Variants in FAM193A observed in about 807,000 individuals in gnomAD.
FAM193A encodes the protein family with sequence similarity 193 member A.
Under a neutral mutation model 126.5 loss-of-function variants are expected in FAM193A, and 22 were observed. The ratio of observed to expected loss-of-function variants is 0.17; its 90% CI spans 0.12 to 0.25. The LOEUF is 0.25. FAM193A is among the 10% of genes least tolerant of loss of function. FAM193A has a pLI of 1.00. For synonymous variants in FAM193A, 761 were observed against 646.8 expected, an observed-to-expected ratio of 1.18 and a Z score of -2.68; for missense variants, 1,675 against 1,672.8, an observed-to-expected ratio of 1.00 and a Z score of -0.02.
At chr4:2,648,810 C>T (rs1745386178) in intron 7 of FAM193A, among the ~76,000 whole-genome samples, 1 of 152,218 alleles carries the variant, frequency 6.6e-6, no homozygotes, top group African/African-American at 2.4e-5. Flanking sequence ...GGGCATTAAC[C>T]TTCTCCAGGA....
chr4:2,608,040 T>C (rs572135018), intron 2 of FAM193A: 19 of 1,607,296 alleles, frequency 1.2e-5, no homozygotes, highest in East Asian at 8.9e-5. Context: ...CACGTCCGGG[T>C]GTGCAGCATA....
At chr4:2,614,044 A>G (rs1040976607) in intron 2 of FAM193A, among the ~76,000 whole-genome samples, 3 of 152,208 alleles carry the variant, frequency 2.0e-5, no homozygotes, top group Non-Finnish European at 4.4e-5. Context: ...AAGTGCTGGG[A>G]TTACAGGCCT....
chr4:2,655,611 A>G (rs759399007), intron 7 of FAM193A, among the ~76,000 whole-genome samples: 18 of 152,054 alleles, frequency 1.2e-4, no homozygotes, highest in Non-Finnish European at 2.4e-4. Flanking sequence ...CTGAGTAGCT[A>G]GGACCATAGG....
intron 2 of FAM193A, among the ~76,000 whole-genome samples, chr4:2,617,165 C>T (rs1241265146): frequency 1.0e-5 from 1 of 97,818 alleles, no homozygotes. Flanking sequence ...GAGACTCCAT[C>T]TCCAAAAAAA....
chr4:2,598,663 C>A (rs983335050), intron 2 of FAM193A, among the ~76,000 whole-genome samples: 1 of 152,198 alleles, frequency 6.6e-6, no homozygotes, highest in African/African-American at 2.4e-5. Context: ...TTCTGTTTCT[C>A]TTGTTCTGTT....
At chr4:2,610,671 A>T (rs893948288) in intron 2 of FAM193A, among the ~76,000 whole-genome samples, 2 of 152,194 alleles carry the variant, frequency 1.3e-5, no homozygotes, top group African/African-American at 2.4e-5. Context: ...TCCATTCATC[A>T]ATAGAGAGAC....
At chr4:2,587,597 C>A (rs1400795617) in intron 1 of FAM193A, among the ~76,000 whole-genome samples, 1 of 152,140 alleles carries the variant, frequency 6.6e-6, no homozygotes, top group Non-Finnish European at 1.5e-5. Context: ...CAGACTGAGG[C>A]AGGAGGATCA....
At chr4:2,672,709 G>C (rs1452304821) in intron 13 of FAM193A, among the ~76,000 whole-genome samples, 1 of 152,178 alleles carries the variant, frequency 6.6e-6, no homozygotes, top group African/African-American at 2.4e-5. Context: ...ATCTTCCAGG[G>C]CTTGCTCTTC....
intron 1 of FAM193A, among the ~76,000 whole-genome samples, chr4:2,594,495 C>T (rs1321608062): frequency 2.6e-5 from 4 of 152,190 alleles, no homozygotes; most frequent in African/African-American, 9.7e-5. Flanking sequence ...AGCAAGGACA[C>T]CCTACACGGC....
At position 2,596,086 on chromosome 4, in the gene FAM193A, T is replaced by C. The variant is rs1479477772; in HGVS notation, c.258T>C (p.Thr86=). The C allele has an allele frequency of 2.0e-5, 14 of 697,046 alleles. No individual in the cohort carries two copies. The African/African-American group carries it at 2.3e-4, about 11-fold the overall frequency. The allele number at this position is 697,046 out of a possible 1,614,324, so 43.2% of individuals were successfully genotyped here. ...AGAATTTTTTTTTTCTATTCCAGACTCCTTTTAGTTTTGGCATGAATCATA... is the reference window on the plus strand; with the variant it reads ...AGAATTTTTTTTTTCTATTCCAGACCCCTTTTAGTTTTGGCATGAATCATA... ...GGAAPGGYFE[T]PFSFGMNHRT... Residue 86 remains threonine (T), a splice_region_variant and synonymous_variant, in exon 2 of 21, where the codon ACT becomes ACC. Coordinates refer to ENST00000637812, the MANE Select transcript of FAM193A (RefSeq NM_001366318.2).
chr4:2,622,049 G>C (rs1742577623), intron 2 of FAM193A, among the ~76,000 whole-genome samples: 1 of 152,056 alleles, frequency 6.6e-6, no homozygotes. Context: ...GAGCTCAGGA[G>C]TTTGAGACCA....
chr4:2,538,727 A>G (rs1489804195), intron 1 of FAM193A, among the ~76,000 whole-genome samples: 1 of 151,876 alleles, frequency 6.6e-6, no homozygotes, highest in Admixed American at 6.6e-5. Flanking sequence ...CAAAATATTG[A>G]TAATTTTTGG....
Position 2,604,664 on chromosome 4 carries a change from C to A in FAM193A, c.501+8335C>A, listed in dbSNP as rs560375029. On this transcript the variant is annotated intron_variant, in intron 2 of 20. Transcript: ENST00000637812. ...GCTCCCTCCCATTCTTTTTTTTGCA[C>A]ATCTGCACATCCTTTTAATTTTGAT... Among the ~76,000 whole-genome samples the A allele has an allele frequency of 6.0e-5, 9 of 151,174 alleles. No individual in the cohort carries two copies. The South Asian group carries it at 8.3e-4, about 14-fold the overall frequency.
In FAM193A at chr4:2,571,068, C is replaced by A. The variant is rs573071128; in HGVS notation, c.256-25016C>A. Among the ~76,000 whole-genome samples, 5 of 152,298 alleles carry A rather than the reference C, an allele frequency of 3.3e-5. No homozygotes were observed. In the South Asian group the frequency reaches 1.0e-3, roughly 32 times the overall value. ...ATGGGGGACTTCGCAGAGCCTCTTT[C>A]CTGCCTTGTCACCTTACCCATAGGC... On this transcript the variant is annotated intron_variant, in intron 1 of 20. Transcript: ENST00000637812.
chr4:2,617,258 A>ATTT (rs1560484820), intron 2 of FAM193A, among the ~76,000 whole-genome samples: 6 of 37,274 alleles, frequency 1.6e-4, no homozygotes, highest in Admixed American at 1.0e-3. Context: ...ATATATATAT[A>ATTT]TATATTTTTT....
intron 15 of FAM193A, among the ~76,000 whole-genome samples, chr4:2,692,633 G>A (rs1716528194): frequency 6.6e-6 from 1 of 152,144 alleles, no homozygotes; most frequent in African/African-American, 2.4e-5. Context: ...ACCAAGACAA[G>A]ACAAATCCAA....
At chr4:2,587,831 C>G (rs561587808) in intron 1 of FAM193A, among the ~76,000 whole-genome samples, 1 of 152,054 alleles carries the variant, frequency 6.6e-6, no homozygotes. Context: ...GAGAGGAGAT[C>G]GTTGTGTTTC....
At chr4:2,628,580 T>C (rs1743209363) in intron 4 of FAM193A, among the ~76,000 whole-genome samples, 2 of 152,140 alleles carry the variant, frequency 1.3e-5, no homozygotes, top group Admixed American at 1.3e-4. Context: ...GGTGCTGCAC[T>C]GAGCTAGGAT....
At chr4:2,610,825 C>T (rs1027985427) in intron 2 of FAM193A, among the ~76,000 whole-genome samples, 2 of 152,000 alleles carry the variant, frequency 1.3e-5, no homozygotes, top group Non-Finnish European at 2.9e-5. Context: ...GCAGCCTCCG[C>T]CTCCCAAGTT....
Sources: gnomAD v4.1 joint callset for allele counts (sites outside exome capture counted in the v4.1 genomes callset) on GRCh38, gnomAD v4.1.1 for gene constraint, MANE v1.5 for transcripts, NCBI Gene and HGNC (gene_info 2026-07-23, HGNC 2026-07-21) for gene names.